The following CDH13 variants were observed in gnomAD, a reference collection of about 807,000 sequenced individuals.
CDH13 encodes cadherin-13.
Under a neutral mutation model 63.8 loss-of-function variants are expected in CDH13, and 24 were observed. The ratio of observed to expected loss-of-function variants is 0.38; its 90% CI spans 0.27 to 0.53. The LOEUF (loss-of-function observed/expected upper bound fraction) is 0.53. Among genes scored for constraint, CDH13 ranks in the 20% least tolerant of loss-of-function variants. CDH13 has a pLI of 0.85. For synonymous variants in CDH13, 503 were observed against 355.3 expected, an observed-to-expected ratio of 1.42 and a Z score of -4.67; for missense variants, 1,049 against 903.1, an observed-to-expected ratio of 1.16 and a Z score of -2.07.
At chr16:83,499,997 T>C (rs1009430638) in intron 7 of CDH13, among the ~76,000 whole-genome samples, 1 of 152,048 alleles carries the variant, frequency 6.6e-6, no homozygotes, top group African/African-American at 2.4e-5. Context: ...GAGATGGGGT[T>C]TCACCATGTT....
chr16:83,548,589 C>T lies in CDH13; in HGVS notation c.961-53865C>T, dbSNP rs911006788. 1.4e-4 allele frequency among the ~76,000 whole-genome samples: 22 copies of T among 152,212 alleles called. 1 individual carries two copies. The highest frequency in any genetic ancestry group is 5.9e-4 in the Admixed American group (9 of 15,292). ...GCCATTCTCTGAGATATTGGGACCC[C>T]GGATAGCCAGTTCTTTTACAAGGGG... On this transcript the variant is annotated intron_variant, in intron 7 of 13. Coordinates refer to ENST00000567109, the MANE Select transcript of CDH13 (RefSeq NM_001257.5).
chr16:83,087,387 C>T (rs1254837441), intron 3 of CDH13, among the ~76,000 whole-genome samples: 1 of 151,936 alleles, frequency 6.6e-6, no homozygotes, highest in African/African-American at 2.4e-5. Context: ...TGCTTAGCAC[C>T]AGCTGGACAC....
At chr16:83,647,227 A>G (rs917872802) in intron 8 of CDH13, among the ~76,000 whole-genome samples, 6 of 151,222 alleles carry the variant, frequency 4.0e-5, no homozygotes, top group Admixed American at 1.3e-4. Flanking sequence ...GGAGAATGGC[A>G]TGAACCCGGG....
intron 5 of CDH13, among the ~76,000 whole-genome samples, chr16:83,242,486 T>G (rs1167301671): frequency 6.6e-6 from 1 of 152,108 alleles, no homozygotes. Context: ...ATAGGCCAAG[T>G]TTTTCTAAAT....
At chr16:83,363,776 G>C (rs1168860508) in intron 6 of CDH13, among the ~76,000 whole-genome samples, 4 of 152,182 alleles carry the variant, frequency 2.6e-5, no homozygotes, top group South Asian at 2.1e-4. Context: ...GAGCTGCTAG[G>C]TATCATGGGA....
chr16:82,704,792 G>A (rs74028563), intron 1 of CDH13, among the ~76,000 whole-genome samples: 1 of 152,154 alleles, frequency 6.6e-6, no homozygotes, highest in African/African-American at 2.4e-5. Flanking sequence ...CAGTTTCCTG[G>A]TCTGCTAAGT....
intron 8 of CDH13, among the ~76,000 whole-genome samples, chr16:83,607,780 A>G (rs1908481334): frequency 6.6e-6 from 1 of 152,210 alleles, no homozygotes; most frequent in Non-Finnish European, 1.5e-5. Flanking sequence ...GTTAGTTTTG[A>G]ACTTCTTACA....
chr16:83,609,309 G>T (rs745747149), intron 8 of CDH13, among the ~76,000 whole-genome samples: 81 of 152,094 alleles, frequency 5.3e-4, no homozygotes, highest in Non-Finnish European at 1.9e-4. Flanking sequence ...TCTTCTTCCA[G>T]TATGGCCCAG....
chr16:83,302,275 T>A (rs1329176651), intron 5 of CDH13, among the ~76,000 whole-genome samples: 1 of 152,228 alleles, frequency 6.6e-6, no homozygotes, highest in East Asian at 1.9e-4. Context: ...TGGTTACTTT[T>A]AACCTCCTGT....
intron 2 of CDH13, chr16:82,990,442 C>G (rs1186228445): frequency 6.6e-6 from 1 of 152,132 alleles, no homozygotes; most frequent in Admixed American, 6.5e-5. Flanking sequence ...CTGGGCCCCT[C>G]CTGGACTTAC....
chr16:83,779,879 A>G (rs1266795821), intron 11 of CDH13, 89 bp from the exon 12 acceptor site: 2 of 848,780 alleles, frequency 2.4e-6, no homozygotes, highest in South Asian at 1.8e-5. Flanking sequence ...TAACTGCAAA[A>G]TATACTAAGT....
chr16:82,902,713 C>G (rs2041511147), intron 2 of CDH13, among the ~76,000 whole-genome samples: 1 of 151,830 alleles, frequency 6.6e-6, no homozygotes, highest in African/African-American at 2.4e-5. Flanking sequence ...TCATTTTTGT[C>G]TCTTCTGTTG....
chr16:83,736,996 G>A (rs898195248), intron 10 of CDH13, among the ~76,000 whole-genome samples: 5 of 152,160 alleles, frequency 3.3e-5, no homozygotes, highest in African/African-American at 2.4e-5. Context: ...TGCCAGGGAA[G>A]GCTCGGTGCA....
chr16:82,980,353 C>G (rs1461756056), intron 2 of CDH13, among the ~76,000 whole-genome samples: 2 of 152,116 alleles, frequency 1.3e-5, no homozygotes, highest in African/African-American at 4.8e-5. Context: ...TCCGTAAAGA[C>G]CAATCTCCAG....
chr16:83,040,081 C>T (rs981065446), intron 3 of CDH13, among the ~76,000 whole-genome samples: 4 of 151,680 alleles, frequency 2.6e-5, no homozygotes, highest in Non-Finnish European at 5.9e-5. Context: ...GGCCCTCGCT[C>T]CCATGCAGCA....
chr16:82,688,288 C>T (rs548592056), intron 1 of CDH13, among the ~76,000 whole-genome samples: 164 of 152,272 alleles, frequency 1.1e-3, no homozygotes, highest in Non-Finnish European at 2.0e-3. Flanking sequence ...GGTTTCTGAT[C>T]TACAAATCTA....
intron 6 of CDH13, among the ~76,000 whole-genome samples, chr16:83,354,593 A>C (rs1331311927): frequency 6.6e-6 from 1 of 152,230 alleles, no homozygotes; most frequent in African/African-American, 2.4e-5. Context: ...ACATAAGGTC[A>C]AGAAAAGTCC....
intron 5 of CDH13, among the ~76,000 whole-genome samples, chr16:83,285,737 G>A (rs188627921): frequency 1.2e-4 from 18 of 152,234 alleles, no homozygotes; most frequent in African/African-American, 4.3e-4. Context: ...GAGGGATGTT[G>A]AAACCAATAT....
chr16:82,965,240 G>C (rs563584110), intron 2 of CDH13, among the ~76,000 whole-genome samples: 1 of 152,028 alleles, frequency 6.6e-6, no homozygotes, highest in African/African-American at 2.4e-5. Flanking sequence ...CTAATACTTT[G>C]CTTCTTCCCT....
Sources: allele counts gnomAD v4.1 joint callset (sites outside exome capture counted in the v4.1 genomes callset), GRCh38; gene constraint gnomAD v4.1.1; transcripts MANE v1.5; gene names NCBI Gene and HGNC (gene_info 2026-07-23, HGNC 2026-07-21).